Variants in OR9I1 observed in about 807,000 individuals in gnomAD.
The protein encoded by OR9I1 is olfactory receptor family 9 subfamily I member 1, also known as olfactory receptor 9I1.
Under a neutral mutation model 11.2 loss-of-function variants are expected in OR9I1, and 7 were observed. The ratio of observed to expected loss-of-function variants is 0.62; its 90% CI spans 0.36 to 1.17. The LOEUF (loss-of-function observed/expected upper bound fraction) is 1.17, where lower values mean the gene tolerates loss of function less well. OR9I1 is among the 50% of genes most tolerant of loss of function. The pLI, the probability that OR9I1 is intolerant of heterozygous loss-of-function variation, is 0.02. For synonymous variants in OR9I1, 165 were observed against 153.4 expected, an observed-to-expected ratio of 1.08 and a Z score of -0.56; for missense variants, 428 against 377.2, an observed-to-expected ratio of 1.13 and a Z score of -1.12.
At chr11:58,120,027 C>T (rs372570282) in intron 2 of OR9I1, among the ~76,000 whole-genome samples, 23 of 152,204 alleles carry the variant, frequency 1.5e-4, no homozygotes, top group African/African-American at 4.6e-4. Context: ...ATATATTTTC[C>T]GTCTTACTAT....
rs189336979 is a variant in OR9I1 at position 58,118,718 on chromosome 11, A to T, written c.727T>A (p.Ser243Thr). ...AAAAGGGCCACAGCAGTGATGTGAGAGGCACATGTGGAGAAAGTCTTGGCC... is the reference window on the plus strand; with the variant it reads ...AAAAGGGCCACAGCAGTGATGTGAGTGGCACATGTGGAGAAAGTCTTGGCC... ...GRAKTFSTCASHITAVALFFG... is the reference protein window; with the variant it reads ...GRAKTFSTCATHITAVALFFG... The change falls in exon 3 of 3, where the codon TCT becomes ACT. Residue 243 changes from serine to threonine, a missense_variant. By Grantham distance (58) the Ser-to-Thr change is moderately conservative. Transcript: ENST00000641439. 5.0e-6 allele frequency: 8 copies of T among 1,614,094 alleles called. No homozygotes were observed. In the East Asian group the frequency reaches 1.6e-4, roughly 32 times the overall value.
rs1853977136 is a variant in OR9I1, at chr11:58,118,146, AC to A, written c.*353del. 5.8e-6 allele frequency: 1 copy of A among 172,936 alleles called. No homozygotes were observed. Among genetic ancestry groups the A allele is most frequent in the Non-Finnish European group, 1.2e-5 (1 of 81,734 alleles). 10.7% of individuals were successfully genotyped at this position (172,936 alleles called of 1,614,324 possible). A position where few individuals can be genotyped will look rare whatever the true frequency, so the allele number is the denominator to read the frequency against. ...AAAAGTGGGATTGATGGGAGCAAAA[AC>A]AAGAGGGAAAGGATGGCAAGCCCAG... On this transcript the variant is annotated 3_prime_UTR_variant, in exon 3 of 3. Coordinates refer to ENST00000641439, the MANE Select transcript of OR9I1 (RefSeq NM_001005211.2).
chr11:58,118,853 C>T lies in OR9I1; in HGVS notation c.592G>A (p.Val198Ile). The T allele has an allele frequency of 6.2e-7, 1 of 1,613,996 alleles. No homozygotes were observed. The highest frequency in any genetic ancestry group is 8.5e-7 in the Non-Finnish European group (1 of 1,179,992). The change falls in exon 3 of 3, where the codon GTC (valine) becomes ATC (isoleucine). Residue 198 changes from valine to isoleucine, a missense_variant. Val to Ile is a conservative substitution (Grantham distance 29). Coordinates refer to ENST00000641439, the MANE Select transcript of OR9I1 (RefSeq NM_001005211.2). ...ACAAAATTGCCAAAGAAGATGATGA[C>T]AATCTCGATGTTTGCTGTGTCACTG... ...ACSDTANIEI[V>I]IIFFGNFVIL...
chr11:58,119,045 C>A lies in OR9I1; in HGVS notation c.400G>T (p.Val134Leu), dbSNP rs147179661. 1 of 1,613,948 alleles carries A rather than the reference C, an allele frequency of 6.2e-7. No homozygotes were observed. ...AAIRNPLLYTVAMNPRLCWSL... is the reference protein window; with the variant it reads ...AAIRNPLLYTLAMNPRLCWSL... ...CAGCAGAGCCTGGGATTCATGGCCA[C>A]GGTATAGAGCAGTGGGTTGCGAATG... The change falls in exon 3 of 3, where the codon GTG becomes TTG. Residue 134 changes from valine to leucine, a missense_variant. Physicochemically the swap from Val to Leu is conservative, Grantham distance 32. Coordinates refer to ENST00000641439, the MANE Select transcript of OR9I1 (RefSeq NM_001005211.2).
chr11:58,124,200 AC>A (rs2120147637), intron 2 of OR9I1, among the ~76,000 whole-genome samples: 1 of 152,292 alleles, frequency 6.6e-6, no homozygotes, highest in African/African-American at 2.4e-5. Flanking sequence ...GTAGAGAGAA[AC>A]AACCAACTCC....
chr11:58,122,973 C>T (rs1257450085), intron 2 of OR9I1, among the ~76,000 whole-genome samples: 80 of 129,962 alleles, frequency 6.2e-4, no homozygotes, highest in African/African-American at 1.5e-3. Flanking sequence ...TTTTTTTTTT[C>T]GGATTTTGTT....
rs1769314351 is a variant in OR9I1 at position 58,119,936 on chromosome 11, CTTCTTCTTAT to C, written c.-22-480_-22-471del. ...CTTCTAGATACAGCAATTTTAATCA[CTTCTTCTTAT>C]GAAAGCCTTTCACAAGTTGGAACTG... is the stretch of plus-strand genomic sequence containing the variant. On this transcript the variant is annotated intron_variant, in intron 2 of 2. Transcript: ENST00000641439. Among the ~76,000 whole-genome samples the C allele has an allele frequency of 2.6e-5, 4 of 152,276 alleles. No homozygotes were observed. In the Middle Eastern group the frequency reaches 0.01, roughly 388 times the overall value.
intron 2 of OR9I1, among the ~76,000 whole-genome samples, chr11:58,120,803 CATATATATATATAT>C (rs61634454): frequency 1.5e-5 from 2 of 132,684 alleles, no homozygotes; most frequent in African/African-American, 5.7e-5. Flanking sequence ...ATTTCAATAC[CATATATATATATAT>C]ATATATATAT....
At position 58,119,249 on chromosome 11, in the gene OR9I1, G is replaced by A. The variant is rs918291445; in HGVS notation, c.196C>T (p.Leu66Phe). The A allele has an allele frequency of 6.2e-7, 1 of 1,613,854 alleles. No homozygotes were observed. The highest frequency in any genetic ancestry group is 8.5e-7 in the Non-Finnish European group (1 of 1,179,920). The change falls in exon 3 of 3, where the codon CTC (leucine) becomes TTC (phenylalanine). Residue 66 changes from leucine (L) to phenylalanine (F), a missense_variant. Leu to Phe is a conservative substitution (Grantham distance 22). Transcript: ENST00000641439. ...YTPMYFFLSH[L>F]SLLDACYTSV... Reference sequence around the variant, plus strand: ...GTGTAACAGGCATCCAGCAGGGAGAGGTGGCTCAGGAAGAAGTACATTGGG... The same window carrying A: ...GTGTAACAGGCATCCAGCAGGGAGAAGTGGCTCAGGAAGAAGTACATTGGG...
At chr11:58,121,286 C>T (rs968582765) in intron 2 of OR9I1, among the ~76,000 whole-genome samples, 5 of 152,168 alleles carry the variant, frequency 3.3e-5, no homozygotes, top group Admixed American at 2.0e-4. Context: ...TGAGTCACCT[C>T]GTAATACTGC....
rs949430362 is a variant in OR9I1, at chr11:58,125,518, A to T, written c.-469T>A. 2 of 152,178 alleles carry T rather than the reference A, an allele frequency of 1.3e-5. No homozygotes were observed. Among genetic ancestry groups the T allele is most frequent in the African/African-American group, 2.4e-5 (1 of 41,448 alleles). The allele number at this position is 152,178 out of a possible 1,614,324, so 9.4% of individuals were successfully genotyped here. A position where few individuals can be genotyped will look rare whatever the true frequency, so the allele number is the denominator to read the frequency against. On this transcript the variant is annotated 5_prime_UTR_variant, in exon 1 of 3. Coordinates refer to ENST00000641439, the MANE Select transcript of OR9I1 (RefSeq NM_001005211.2). ...AAGCATTTTGTAGAAAGCAGCTAAG[A>T]TTGCTCAAATAGACGTATGTAGCTG...
Position 58,125,495 on chromosome 11 carries a change from G to A in OR9I1, c.-446C>T, listed in dbSNP as rs1357090290. The A allele has an allele frequency of 1.3e-5, 2 of 152,182 alleles. No individual in the cohort carries two copies. Among genetic ancestry groups the A allele is most frequent in the African/African-American group, 4.8e-5 (2 of 41,438 alleles). The allele number at this position is 152,182 out of a possible 1,614,324, so 9.4% of individuals were successfully genotyped here. A position where few individuals can be genotyped will look rare whatever the true frequency, so the allele number is the denominator to read the frequency against. On this transcript the variant is annotated 5_prime_UTR_variant, in exon 1 of 3. Coordinates refer to ENST00000641439, the MANE Select transcript of OR9I1 (RefSeq NM_001005211.2). ...GTCAAGCTAAGCTAAGGTTGTTTAA[G>A]CATTTTGTAGAAAGCAGCTAAGATT...
At position 58,118,254 on chromosome 11, in the gene OR9I1, G is replaced by C. The variant is rs1315740252; in HGVS notation, c.*246C>G. Reference sequence around the variant, plus strand: ...TGAGATTCTATAAGTTGTGACATTAGAGAATATTAAGAGACTGCCCAGTGC... The same window carrying C: ...TGAGATTCTATAAGTTGTGACATTACAGAATATTAAGAGACTGCCCAGTGC... On this transcript the variant is annotated 3_prime_UTR_variant, in exon 3 of 3. Coordinates refer to ENST00000641439, the MANE Select transcript of OR9I1 (RefSeq NM_001005211.2). The C allele has an allele frequency of 2.9e-6, 1 of 347,156 alleles. No homozygotes were observed. Among genetic ancestry groups the C allele is most frequent in the Non-Finnish European group, 5.2e-6 (1 of 191,846 alleles). 21.5% of individuals were successfully genotyped at this position (347,156 alleles called of 1,614,324 possible).
chr11:58,122,666 CCAT>C lies in OR9I1; in HGVS notation c.-23+1769_-23+1771del, dbSNP rs1464439919. 5.3e-5 allele frequency among the ~76,000 whole-genome samples: 8 copies of C among 152,076 alleles called. No individual in the cohort carries two copies. The East Asian group carries it at 1.5e-3, about 29-fold the overall frequency. ...CCTTTACTCCTCAGTTCCTGATAAA[CCAT>C]CATCATTGGTCAGGGCAAGGCTCTT... On this transcript the variant is annotated intron_variant, in intron 2 of 2. Coordinates refer to ENST00000641439, the MANE Select transcript of OR9I1 (RefSeq NM_001005211.2).
chr11:58,123,458 G>C (rs1854056131), intron 2 of OR9I1, among the ~76,000 whole-genome samples: 1 of 152,162 alleles, frequency 6.6e-6, no homozygotes, highest in African/African-American at 2.4e-5. Context: ...CCTGACCAGA[G>C]ATTAGGTGGC....
In OR9I1 at chr11:58,117,199, TTCA is replaced by T. The variant is rs1180925626; in HGVS notation, c.*1298_*1300del. On this transcript the variant is annotated 3_prime_UTR_variant, in exon 3 of 3. Transcript: ENST00000641439. ...CTGATTAGTGCTTGGCTATTTCTTA[TTCA>T]TCATTTTATTTAATTTTTACAATAT... 9 of 152,216 alleles carry T rather than the reference TTCA, an allele frequency of 5.9e-5. No individual in the cohort carries two copies. The highest frequency in any genetic ancestry group is 2.2e-4 in the African/African-American group (9 of 41,464). 9.4% of individuals were successfully genotyped at this position (152,216 alleles called of 1,614,324 possible). A position where few individuals can be genotyped will look rare whatever the true frequency, so the allele number is the denominator to read the frequency against.
chr11:58,121,742 G>A (rs1854034755), intron 2 of OR9I1, among the ~76,000 whole-genome samples: 1 of 152,166 alleles, frequency 6.6e-6, no homozygotes, highest in Admixed American at 6.5e-5. Context: ...GCACAACTGG[G>A]AATTTTCTTT....
Position 58,119,319 on chromosome 11 carries a change from A to G in OR9I1, c.126T>C (p.Asn42=), listed in dbSNP as rs752059907. ...LSFYLVTLLG[N]VGMIMLIQVD... ...CTTGGATTAACATAATCATCCCCAC[A>G]TTCCCAAGAAGGGTGACTAGGTAGA... The change falls in exon 3 of 3, where the codon AAT becomes AAC. Residue 42 remains asparagine (N), a synonymous_variant. Coordinates refer to ENST00000641439, the MANE Select transcript of OR9I1 (RefSeq NM_001005211.2). 6.8e-6 allele frequency: 11 copies of G among 1,613,880 alleles called. No homozygotes were observed. In the South Asian group the frequency reaches 1.2e-4, roughly 18 times the overall value.
chr11:58,119,397 G>A lies in OR9I1; in HGVS notation c.48C>T (p.Gly16=), dbSNP rs776360003. 1.9e-5 allele frequency: 31 copies of A among 1,613,516 alleles called. No individual in the cohort carries two copies. Among genetic ancestry groups the A allele is most frequent in the Middle Eastern group, 1.6e-4 (1 of 6,078 alleles). The stretch of plus-strand genomic sequence containing the variant: ...TCTCCAATTTGGGGTGGTCCATAAA[G>A]CCCATGAGAATGAATTCGGTTACTC... ...LTRVTEFILM[G]FMDHPKLEIP... Residue 16 remains glycine, a synonymous_variant, in exon 3 of 3, where the codon GGC becomes GGT. Coordinates refer to ENST00000641439, the MANE Select transcript of OR9I1 (RefSeq NM_001005211.2).
Sources: allele counts gnomAD v4.1 joint callset (sites outside exome capture counted in the v4.1 genomes callset), GRCh38; gene constraint gnomAD v4.1.1; transcripts MANE v1.5; gene names NCBI Gene and HGNC (gene_info 2026-07-23, HGNC 2026-07-21).